SNTG2: variants seen among roughly 807,000 people sequenced by gnomAD.
The protein encoded by SNTG2 is gamma-2-syntrophin.
SNTG2 carries 74 observed loss-of-function variants against 70.9 expected under a neutral mutation model. That is an observed-to-expected ratio of 1.04 (90% CI 0.86 to 1.27). The LOEUF (loss-of-function observed/expected upper bound fraction) is 1.27. Ranked by LOEUF, SNTG2 falls within the 50% of genes most tolerant of loss-of-function variation. SNTG2 has a pLI of 0.00. For synonymous variants in SNTG2, 278 were observed against 273.8 expected (o/e 1.02, Z -0.15); for missense variants, 717 against 690.7 (o/e 1.04, Z -0.43).
intron 1 of SNTG2, among the ~76,000 whole-genome samples, chr2:980,695 T>TACACACAC (rs10648703): frequency 0.11 from 16,179 of 150,032 alleles, 869 homozygotes; most frequent in Middle Eastern, 0.18. Flanking sequence ...TAGACACATG[T>TACACACAC]ACACACACAC....
chr2:1,142,364 G>A (rs1049247757), intron 6 of SNTG2, among the ~76,000 whole-genome samples: 3 of 152,148 alleles, frequency 2.0e-5, no homozygotes, highest in East Asian at 3.9e-4. Context: ...CTGCCATCCC[G>A]TCCAGGGTCC....
At chr2:1,152,604 G>A (rs993666622) in intron 6 of SNTG2, among the ~76,000 whole-genome samples, 1 of 127,982 alleles carries the variant, frequency 7.8e-6, no homozygotes, top group East Asian at 2.2e-4. Context: ...GTGCATGTGT[G>A]TATGTGTGCA....
chr2:1,361,307 T>C (rs1661129926), intron 16 of SNTG2, among the ~76,000 whole-genome samples: 1 of 151,874 alleles, frequency 6.6e-6, no homozygotes, highest in Admixed American at 6.6e-5. Flanking sequence ...CACGAAATTC[T>C]CATGGAATTT....
At chr2:1,128,662 A>G (rs1667847765) in intron 4 of SNTG2, among the ~76,000 whole-genome samples, 1 of 151,910 alleles carries the variant, frequency 6.6e-6, no homozygotes, top group Admixed American at 6.6e-5. Flanking sequence ...AACTTTCAAT[A>G]TTGTTTATAT....
chr2:1,126,738 A>AT (rs1667718914), intron 4 of SNTG2, among the ~76,000 whole-genome samples: 1 of 151,970 alleles, frequency 6.6e-6, no homozygotes, highest in South Asian at 2.1e-4. Flanking sequence ...GATTTTAAGC[A>AT]TTTTTTCATA....
chr2:1,224,182 T>C (rs766999274), intron 9 of SNTG2, among the ~76,000 whole-genome samples: 3 of 152,194 alleles, frequency 2.0e-5, no homozygotes, highest in Non-Finnish European at 2.9e-5. Context: ...CCAACACGAC[T>C]GCCTCGGGGG....
chr2:1,109,120 GA>G (rs1558407138), intron 4 of SNTG2, among the ~76,000 whole-genome samples: 3 of 152,102 alleles, frequency 2.0e-5, no homozygotes, highest in African/African-American at 7.3e-5. Flanking sequence ...AGGGTATGGA[GA>G]GCTGGATGCA....
chr2:1,165,496 G>C, intron 6 of SNTG2, 52 bp from the exon 7 acceptor site: 1 of 1,478,552 alleles, frequency 6.8e-7, no homozygotes, highest in Non-Finnish European at 9.4e-7. Context: ...TTTTAATTCT[G>C]TGTCTGGTTC....
At chr2:1,222,474 C>G (rs1428796077) in intron 9 of SNTG2, among the ~76,000 whole-genome samples, 2 of 144,064 alleles carry the variant, frequency 1.4e-5, no homozygotes, top group Non-Finnish European at 3.0e-5. Context: ...GGTGCTGGAT[C>G]GCTGTAGAGG....
At chr2:1,064,603 A>T (rs1310374639) in intron 1 of SNTG2, among the ~76,000 whole-genome samples, 2 of 152,138 alleles carry the variant, frequency 1.3e-5, no homozygotes, top group East Asian at 3.8e-4. Flanking sequence ...GTGATACTAT[A>T]TTTGATGGTA....
intron 1 of SNTG2, among the ~76,000 whole-genome samples, chr2:975,183 G>C (rs1419709131): frequency 2.6e-5 from 4 of 151,074 alleles, no homozygotes; most frequent in Non-Finnish European, 5.9e-5. Flanking sequence ...AACACCATGT[G>C]CTTGCACTCA....
chr2:1,202,234 A>G (rs1280409273), intron 8 of SNTG2, among the ~76,000 whole-genome samples: 1 of 152,156 alleles, frequency 6.6e-6, no homozygotes, highest in East Asian at 1.9e-4. Flanking sequence ...GGACAAGATG[A>G]TGACACAGTA....
chr2:1,222,095 GTCTCTCTCT>G (rs1675177275), intron 9 of SNTG2, among the ~76,000 whole-genome samples: 2 of 6,978 alleles, frequency 2.9e-4, no homozygotes, highest in African/African-American at 1.4e-3. Flanking sequence ...GTCTCTCTCT[GTCTCTCTCT>G]GTCTCTCTCT....
intron 13 of SNTG2, among the ~76,000 whole-genome samples, chr2:1,263,494 A>G (rs922165261): frequency 6.6e-6 from 1 of 151,556 alleles, no homozygotes; most frequent in African/African-American, 2.4e-5. Flanking sequence ...TTAGAATACA[A>G]CCCTTTTTGT....
chr2:1,023,837 G>T (rs1342156586), intron 1 of SNTG2, among the ~76,000 whole-genome samples: 1 of 152,192 alleles, frequency 6.6e-6, no homozygotes, highest in Non-Finnish European at 1.5e-5. Flanking sequence ...CACCAGGTCC[G>T]GCTGCAGGCT....
intron 1 of SNTG2, among the ~76,000 whole-genome samples, chr2:1,047,792 A>G (rs1289957306): frequency 3.3e-5 from 5 of 152,136 alleles, no homozygotes; most frequent in Non-Finnish European, 7.4e-5. Context: ...CTCCTCTCCC[A>G]TTCAAGTGTT....
chr2:1,031,537 T>A lies in SNTG2; in HGVS notation c.73-51981T>A, dbSNP rs867657106. On this transcript the variant is annotated intron_variant, in intron 1 of 16. Transcript: ENST00000308624. ...ATATATATATATATATATTTTTTTT[T>A]TTTTTTTTTTTGAGGCGAAATCTCA... Among the ~76,000 whole-genome samples, 174 of 121,898 alleles carry A rather than the reference T, an allele frequency of 1.4e-3. 2 individuals are homozygous for A. The highest frequency in any genetic ancestry group is 4.0e-3 in the Middle Eastern group (1 of 252). The allele number at this position is 121,898 out of a possible 152,430, so 80.0% of individuals were successfully genotyped here.
At position 1,189,036 on chromosome 2, in the gene SNTG2, TG is replaced by T. The variant is rs199656024; in HGVS notation, c.591+15854del. ...ATTATTGTCAAAGAAGAAATGGGAC[TG>T]TTATTTCTAGATGACCTAAAAATGC... On this transcript the variant is annotated intron_variant, in intron 8 of 16. Coordinates refer to ENST00000308624, the MANE Select transcript of SNTG2 (RefSeq NM_018968.4). Among the ~76,000 whole-genome samples, 1,471 of 152,238 alleles carry T rather than the reference TG, an allele frequency of 9.7e-3. 12 individuals carry two copies. Among genetic ancestry groups the T allele is most frequent in the Non-Finnish European group, 0.014 (950 of 67,998 alleles).
intron 1 of SNTG2, among the ~76,000 whole-genome samples, chr2:952,807 A>T (rs1660019824): frequency 6.6e-6 from 1 of 152,222 alleles, no homozygotes; most frequent in Non-Finnish European, 1.5e-5. Flanking sequence ...TCAGATTCTT[A>T]TGTATTTAAA....
Sources: allele counts gnomAD v4.1 joint callset (sites outside exome capture counted in the v4.1 genomes callset), GRCh38; gene constraint gnomAD v4.1.1; transcripts MANE v1.5; gene names NCBI Gene and HGNC (gene_info 2026-07-23, HGNC 2026-07-21).